The following PCDHGA5 variants were observed in gnomAD, a reference collection of about 807,000 sequenced individuals.
PCDHGA5 encodes protocadherin gamma-A5.
Under a neutral mutation model 56.7 loss-of-function variants are expected in PCDHGA5, and 36 were observed. The observed-to-expected ratio is 0.64, with a 90% CI of 0.49 to 0.84. The LOEUF is 0.84. Ranked by LOEUF, PCDHGA5 falls within the 40% of genes least tolerant of loss-of-function variation. The pLI is 0.00. For synonymous variants in PCDHGA5, 563 were observed against 520.2 expected (o/e 1.08, Z -1.12); for missense variants, 1,305 against 1,201.5 (o/e 1.09, Z -1.27).
intron 1 of PCDHGA5, among the ~76,000 whole-genome samples, chr5:141,460,407 TTG>T: frequency 6.6e-6 from 1 of 152,188 alleles, no homozygotes; most frequent in Non-Finnish European, 1.5e-5. Flanking sequence ...TCCTTTTGAG[TTG>T]ATGTTTATGT....
intron 1 of PCDHGA5, among the ~76,000 whole-genome samples, chr5:141,475,532 T>C (rs1011968434): frequency 6.6e-6 from 1 of 152,228 alleles, no homozygotes; most frequent in East Asian, 1.9e-4. Context: ...AAATGCCTCC[T>C]TACAAGTAGG....
intron 1 of PCDHGA5, chr5:141,374,346 G>A: frequency 1.2e-6 from 2 of 1,614,048 alleles, no homozygotes; most frequent in South Asian, 2.2e-5. Flanking sequence ...GTCACCGCGG[G>A]TAGGATAGAC....
At chr5:141,415,258 C>G (rs1228702476) in intron 1 of PCDHGA5, 1 of 1,614,214 alleles carries the variant, frequency 6.2e-7, no homozygotes, top group Non-Finnish European at 8.5e-7. Context: ...AGACCTCACT[C>G]TGTACCTGGT....
At chr5:141,374,601 G>A (rs772584663) in intron 1 of PCDHGA5, 1 of 1,613,676 alleles carries the variant, frequency 6.2e-7, no homozygotes, top group Middle Eastern at 1.6e-4. Flanking sequence ...TTTAAGCTCA[G>A]TGGTAATAGT....
At chr5:141,404,518 T>C (rs775647026) in intron 1 of PCDHGA5, 16 of 1,613,656 alleles carry the variant, frequency 9.9e-6, no homozygotes, top group Non-Finnish European at 1.4e-5. Flanking sequence ...CCTTTGACTA[T>C]GAGCAGTTTA....
At position 141,429,387 on chromosome 5, in the gene PCDHGA5, TAAAAA is replaced by T. The variant is rs11410533; in HGVS notation, c.2421+62640_2421+62644del. On this transcript the variant is annotated intron_variant, in intron 1 of 3. Transcript: ENST00000518069. ...AAATGGAGAAAATGTGTTTTTTTTT[TAAAAA>T]AAATTGAGATTAAGGTCTCATTATG... 8.8e-4 allele frequency among the ~76,000 whole-genome samples: 134 copies of T among 151,448 alleles called. 1 individual carries two copies. Among genetic ancestry groups the T allele is most frequent in the Non-Finnish European group, 1.5e-3 (103 of 67,818 alleles).
intron 3 of PCDHGA5, 119 bp downstream of exon 3, chr5:141,505,600 G>T: frequency 1.3e-6 from 2 of 1,554,224 alleles, no homozygotes; most frequent in Middle Eastern, 3.4e-4. Context: ...AGATCTTTCG[G>T]CAGGTCTGAA....
rs371173445 is a variant in PCDHGA5 at position 141,383,743 on chromosome 5, C to A, written c.2421+16992C>A. ...CAATGGGGAAGTGACATATTCTTTT[C>A]GGAAAATAACTCCTAAACTTCCAAA... On this transcript the variant is annotated intron_variant, in intron 1 of 3. Transcript: ENST00000518069. 2.0e-5 allele frequency: 32 copies of A among 1,613,922 alleles called. No individual in the cohort carries two copies. The South Asian group carries it at 3.3e-4, about 17-fold the overall frequency.
Position 141,366,360 on chromosome 5 carries a change from G to C in PCDHGA5, c.2030G>C (p.Ser677Thr). The change falls in exon 1 of 4, where the codon AGT becomes ACT. Residue 677 changes from serine (S) to threonine (T), a missense_variant. Coordinates refer to ENST00000518069, the MANE Select transcript of PCDHGA5 (RefSeq NM_018918.3). Reference protein sequence around the residue: ...RIPDILADLGSIKTPIDPEDL... With the variant: ...RIPDILADLGTIKTPIDPEDL... ...CCTGACATCCTGGCTGACCTAGGCAGTATCAAGACCCCCATTGACCCTGAG... is the reference window on the plus strand; with the variant it reads ...CCTGACATCCTGGCTGACCTAGGCACTATCAAGACCCCCATTGACCCTGAG... 2.5e-6 allele frequency: 4 copies of C among 1,614,024 alleles called. No individual in the cohort carries two copies. The highest frequency in any genetic ancestry group is 3.4e-6 in the Non-Finnish European group (4 of 1,180,014).
In PCDHGA5 at chr5:141,393,830, T is replaced by C. The variant is rs926004105; in HGVS notation, c.2421+27079T>C. The C allele has an allele frequency of 1.7e-5, 27 of 1,613,872 alleles. No homozygotes were observed. In the African/African-American group the frequency reaches 3.2e-4, roughly 19 times the overall value. On this transcript the variant is annotated intron_variant, in intron 1 of 3. Coordinates refer to ENST00000518069, the MANE Select transcript of PCDHGA5 (RefSeq NM_018918.3). ...CCAAATTGCTCATTTCGGTGGAAGA[T>C]GTAAATGACAATAGACCAGAAGTGA... is the stretch of plus-strand genomic sequence containing the variant.
At chr5:141,372,698 C>A in intron 1 of PCDHGA5, 1 of 1,613,986 alleles carries the variant, frequency 6.2e-7, no homozygotes, top group Non-Finnish European at 8.5e-7. Context: ...TTAAATTTCT[C>A]AATATAAAGG....
intron 1 of PCDHGA5, chr5:141,427,734 C>A (rs2097062807): frequency 1.7e-6 from 2 of 1,207,418 alleles, no homozygotes; most frequent in Non-Finnish European, 2.4e-6. Flanking sequence ...GCTGAATGGC[C>A]AAGTCTCCTA....
intron 1 of PCDHGA5, among the ~76,000 whole-genome samples, chr5:141,463,534 C>T (rs866525322): frequency 2.6e-4 from 39 of 148,938 alleles, no homozygotes; most frequent in Admixed American, 7.5e-4. Flanking sequence ...CTAGAAACTC[C>T]GGCTCCCGGG....
intron 1 of PCDHGA5, chr5:141,390,040 C>T (rs2092027580): frequency 6.2e-7 from 1 of 1,614,072 alleles, no homozygotes; most frequent in Non-Finnish European, 8.5e-7. Context: ...TCCTCCAGCC[C>T]CGCCTCCTGG....
chr5:141,412,975 C>G (rs1221821871), intron 1 of PCDHGA5: 3 of 532,642 alleles, frequency 5.6e-6, no homozygotes, highest in Non-Finnish European at 9.7e-6. Flanking sequence ...AGAGAAAACG[C>G]AGCCAGAGCT....
Position 141,458,007 on chromosome 5 carries a change from C to T in PCDHGA5, c.2422-36800C>T, listed in dbSNP as rs142050242. Among the ~76,000 whole-genome samples the T allele has an allele frequency of 1.3e-3, 200 of 152,274 alleles. 1 individual carries two copies. The East Asian group carries it at 0.032, about 24-fold the overall frequency. ...TCAGTTAAAGCCTTGGCAAAATAAC[C>T]GGTTTTTCCAATTGTGTTCTGTTGA... On this transcript the variant is annotated intron_variant, in intron 1 of 3. Transcript: ENST00000518069.
rs750687055 is a variant in PCDHGA5 at position 141,383,137 on chromosome 5, C to G, written c.2421+16386C>G. The G allele has an allele frequency of 2.5e-5, 40 of 1,613,994 alleles. No individual in the cohort carries two copies. In the Admixed American group the frequency reaches 3.2e-4, roughly 13 times the overall value. On this transcript the variant is annotated intron_variant, in intron 1 of 3. Transcript: ENST00000518069. Reference sequence around the variant, plus strand: ...GACGCAGCTTTTCGCCCTGAACCAGCGCAGCGGCAGCTTGGTCACTGCGGG... The same window carrying G: ...GACGCAGCTTTTCGCCCTGAACCAGGGCAGCGGCAGCTTGGTCACTGCGGG...
intron 2 of PCDHGA5, among the ~76,000 whole-genome samples, chr5:141,502,401 G>A (rs191747075): frequency 2.0e-5 from 3 of 151,874 alleles, no homozygotes; most frequent in Admixed American, 1.3e-4. Flanking sequence ...AAATGTCCCC[G>A]AACCTGGATT....
At chr5:141,376,180 G>A (rs113596971) in intron 1 of PCDHGA5, 2 of 1,614,100 alleles carry the variant, frequency 1.2e-6, no homozygotes, top group Non-Finnish European at 8.5e-7. Context: ...CGGTGGCCGC[G>A]GTCTCCTGCG....
Sources: allele counts gnomAD v4.1 joint callset (sites outside exome capture counted in the v4.1 genomes callset), GRCh38; gene constraint gnomAD v4.1.1; transcripts MANE v1.5; gene names NCBI Gene and HGNC (gene_info 2026-07-23, HGNC 2026-07-21).